Variants in SHISA6 observed in about 807,000 individuals in gnomAD.
The protein encoded by SHISA6 is protein shisa-6.
Under a neutral mutation model 47.9 loss-of-function variants are expected in SHISA6, and 22 were observed. The observed-to-expected ratio is 0.46, with a 90% confidence interval of 0.33 to 0.66. SHISA6 has a LOEUF of 0.66. Among genes scored for constraint, SHISA6 ranks in the 30% least tolerant of loss-of-function variants. The pLI, the probability that SHISA6 is intolerant of heterozygous loss-of-function variation, is 0.02. For missense variants in SHISA6, 680 were observed against 764.6 expected, an observed-to-expected ratio of 0.89 and a Z score of 1.30; for synonymous variants, 388 against 337.8, an observed-to-expected ratio of 1.15 and a Z score of -1.63.
At chr17:11,395,398 G>A (rs1023821268) in intron 3 of SHISA6, among the ~76,000 whole-genome samples, 2 of 151,090 alleles carry the variant, frequency 1.3e-5, no homozygotes, top group South Asian at 2.1e-4. Flanking sequence ...GAAGGCTATC[G>A]ATTTCCTTGT....
intron 1 of SHISA6, among the ~76,000 whole-genome samples, chr17:11,250,370 C>T (rs1370764200): frequency 6.6e-6 from 1 of 152,192 alleles, no homozygotes; most frequent in African/African-American, 2.4e-5. Flanking sequence ...TATTTGCAAG[C>T]CCAGGAAGAT....
chr17:11,271,488 A>C (rs1268610372), intron 2 of SHISA6, among the ~76,000 whole-genome samples: 2 of 151,018 alleles, frequency 1.3e-5, no homozygotes, highest in Non-Finnish European at 2.9e-5. Flanking sequence ...CCCAGGCTGG[A>C]GTGCAGTGGC....
chr17:11,486,200 C>T lies in SHISA6; in HGVS notation c.896-65696C>T, dbSNP rs115913287. Among the ~76,000 whole-genome samples the T allele has an allele frequency of 3.8e-3, 586 of 152,308 alleles. 4 individuals carry two copies. The highest frequency in any genetic ancestry group is 0.013 in the African/African-American group (552 of 41,570). The stretch of plus-strand genomic sequence containing the variant: ...GGTGAGTGATTTCTTCCACGTGGCG[C>T]TGTGTGCTCTGGAATTCTGTCCCTG... On this transcript the variant is annotated intron_variant, in intron 3 of 5. Coordinates refer to ENST00000441885, the MANE Select transcript of SHISA6 (RefSeq NM_207386.4).
intron 3 of SHISA6, among the ~76,000 whole-genome samples, chr17:11,422,033 C>G (rs1914464043): frequency 6.6e-6 from 1 of 152,114 alleles, no homozygotes; most frequent in African/African-American, 2.4e-5. Context: ...TCCCTTTGGC[C>G]AAATTTATTC....
chr17:11,429,584 C>T (rs78917262), intron 3 of SHISA6, among the ~76,000 whole-genome samples: 5 of 149,286 alleles, frequency 3.3e-5, no homozygotes, highest in African/African-American at 1.2e-4. Context: ...AGTTCAAGAC[C>T]AGCCTGACCA....
At position 11,558,219 on chromosome 17, in the gene SHISA6, G is replaced by A. The variant is rs567655921; in HGVS notation, c.1571G>A (p.Arg524His). 3.2e-6 allele frequency: 5 copies of A among 1,541,868 alleles called. No individual in the cohort carries two copies. The East Asian group carries it at 9.8e-5, about 30-fold the overall frequency. ...GCCAAGCGTCATGCCTTTGCCTCAC[G>A]CAGACACAACACGGTGGAGCAGCTG... ...TAAKRHAFASRRHNTVEQLHY... is the reference protein window; with the variant it reads ...TAAKRHAFASHRHNTVEQLHY... Residue 524 changes from arginine to histidine, a missense_variant, in exon 6 of 6, where the codon CGC (arginine) becomes CAC (histidine). Around this residue, in one of 2 missense-constraint regions of SHISA6, gnomAD observed 559 missense variants for 674.1 expected, o/e 0.83. Transcript: ENST00000441885.
chr17:11,267,331 G>T (rs1225975694), intron 2 of SHISA6, among the ~76,000 whole-genome samples: 1 of 152,056 alleles, frequency 6.6e-6, no homozygotes, highest in Non-Finnish European at 1.5e-5. Context: ...CAGAATCTTG[G>T]GCTCTTCCTC....
chr17:11,427,867 T>C (rs1342706048), intron 3 of SHISA6, among the ~76,000 whole-genome samples: 1 of 152,092 alleles, frequency 6.6e-6, no homozygotes, highest in Non-Finnish European at 1.5e-5. Flanking sequence ...AGGGGACAGC[T>C]CATAAATAGA....
At chr17:11,307,275 G>A (rs1200942334) in intron 2 of SHISA6, among the ~76,000 whole-genome samples, 1 of 151,748 alleles carries the variant, frequency 6.6e-6, no homozygotes, top group Non-Finnish European at 1.5e-5. Context: ...TGGCTCTATT[G>A]AGATAACTGT....
chr17:11,339,546 A>G (rs72824651), intron 2 of SHISA6, among the ~76,000 whole-genome samples: 2,785 of 152,350 alleles, frequency 0.018, 55 homozygotes, highest in East Asian at 0.062. Context: ...GCAGGACTCT[A>G]GATGTTTAAA....
In SHISA6 at chr17:11,279,349, G is replaced by A. The variant is rs544701873; in HGVS notation, c.799+15823G>A. On this transcript the variant is annotated intron_variant, in intron 2 of 5. Transcript: ENST00000441885. ...ACTTGTTAGACCCTCGTAGAGGTAC[G>A]AGACAATAAACATAAAGCAACAAAG... Among the ~76,000 whole-genome samples, 6 of 152,210 alleles carry A rather than the reference G, an allele frequency of 3.9e-5. No homozygotes were observed. The East Asian group carries it at 9.7e-4, about 25-fold the overall frequency.
chr17:11,330,383 G>T (rs1911054340), intron 2 of SHISA6, among the ~76,000 whole-genome samples: 1 of 152,078 alleles, frequency 6.6e-6, no homozygotes. Context: ...TCTGTGCTAG[G>T]TGATAGCAGG....
At chr17:11,447,237 C>T (rs921770575) in intron 3 of SHISA6, among the ~76,000 whole-genome samples, 2 of 152,070 alleles carry the variant, frequency 1.3e-5, no homozygotes, top group Non-Finnish European at 2.9e-5. Flanking sequence ...CACAGTTTTC[C>T]GAGGAGGGAA....
chr17:11,465,297 T>C (rs1483416954), intron 3 of SHISA6, among the ~76,000 whole-genome samples: 1 of 152,236 alleles, frequency 6.6e-6, no homozygotes, highest in East Asian at 1.9e-4. Flanking sequence ...GTCTTTTAAA[T>C]TATTTTAATA....
At chr17:11,396,399 T>A (rs1404739467) in intron 3 of SHISA6, among the ~76,000 whole-genome samples, 2 of 152,186 alleles carry the variant, frequency 1.3e-5, no homozygotes, top group Non-Finnish European at 2.9e-5. Context: ...TTAAAAGAAT[T>A]AGGGTTGGTT....
chr17:11,242,164 C>T (rs1261619065), intron 1 of SHISA6, 104 bp downstream of exon 1: 3 of 1,423,354 alleles, frequency 2.1e-6, no homozygotes, highest in Non-Finnish European at 2.8e-6. Flanking sequence ...CCTCCCCAGG[C>T]CCTCTAGTCA....
intron 3 of SHISA6, among the ~76,000 whole-genome samples, chr17:11,387,811 T>G (rs1017342876): frequency 1.3e-5 from 2 of 152,158 alleles, no homozygotes; most frequent in African/African-American, 4.8e-5. Flanking sequence ...TCAGGTTTTA[T>G]GTGGACTGTG....
intron 3 of SHISA6, among the ~76,000 whole-genome samples, chr17:11,528,836 C>T (rs1379661929): frequency 6.6e-6 from 1 of 152,164 alleles, no homozygotes; most frequent in Non-Finnish European, 1.5e-5. Flanking sequence ...TCAACTGCTG[C>T]TTATTTTGAG....
intron 2 of SHISA6, among the ~76,000 whole-genome samples, chr17:11,282,621 T>C (rs1909162324): frequency 6.6e-6 from 1 of 152,166 alleles, no homozygotes; most frequent in African/African-American, 2.4e-5. Flanking sequence ...ATTGTTCAAT[T>C]CCCACCTATG....
Sources: allele counts gnomAD v4.1 joint callset (sites outside exome capture counted in the v4.1 genomes callset), GRCh38; gene constraint gnomAD v4.1.1; regional missense constraint gnomAD v4.1.1; transcripts MANE v1.5; gene names NCBI Gene and HGNC (gene_info 2026-07-23, HGNC 2026-07-21).